DNAJB6: variants seen among roughly 807,000 people sequenced by gnomAD.
DNAJB6 encodes DnaJ heat shock protein family (Hsp40) member B6, also known as dnaJ homolog subfamily B member 6.
DNAJB6 carries 16 observed loss-of-function variants against 42.7 expected under a neutral mutation model. The observed-to-expected ratio is 0.37, with a 90% confidence interval of 0.25 to 0.57. DNAJB6 has a LOEUF of 0.57. DNAJB6 is among the 20% of genes least tolerant of loss of function. The pLI is 0.74. For missense variants in DNAJB6, 347 were observed against 416.8 expected, an observed-to-expected ratio of 0.83 and a Z score of 1.46; for synonymous variants, 170 against 163.5, an observed-to-expected ratio of 1.04 and a Z score of -0.30.
chr7:157,386,245 C>T (rs1801050084), intron 8 of DNAJB6: 1 of 966,720 alleles, frequency 1.0e-6, no homozygotes, highest in African/African-American at 1.9e-5. Context: ...TAAACTGGGT[C>T]TTTGTCATTT....
chr7:157,351,604 G>A (rs937403398), intron 1 of DNAJB6, among the ~76,000 whole-genome samples: 1 of 151,384 alleles, frequency 6.6e-6, no homozygotes, highest in African/African-American at 2.4e-5. Flanking sequence ...CTGCACTCCA[G>A]CCTGGGTGAC....
intron 2 of DNAJB6, among the ~76,000 whole-genome samples, chr7:157,361,534 TATGGTTAAGCC>T (rs1344486974): frequency 2.0e-5 from 3 of 152,208 alleles, no homozygotes; most frequent in Admixed American, 6.5e-5. Flanking sequence ...CAGATTTTAG[TATGGTTAAGCC>T]AAGGTTTTGT....
At chr7:157,376,883 A>AAAAC (rs377746958) in intron 5 of DNAJB6, among the ~76,000 whole-genome samples, 5 of 152,192 alleles carry the variant, frequency 3.3e-5, no homozygotes, top group Non-Finnish European at 7.3e-5. Flanking sequence ...CCGTCTTGGG[A>AAAAC]AAACAAACAA....
At chr7:157,394,084 C>G (rs899572326) in intron 8 of DNAJB6, among the ~76,000 whole-genome samples, 1 of 152,104 alleles carries the variant, frequency 6.6e-6, no homozygotes, top group African/African-American at 2.4e-5. Flanking sequence ...GTTTTTCTTC[C>G]TATTTTGGTT....
chr7:157,388,514 G>A (rs1310863801), intron 8 of DNAJB6, among the ~76,000 whole-genome samples: 1 of 152,152 alleles, frequency 6.6e-6, no homozygotes, highest in African/African-American at 2.4e-5. Context: ...AGCCCCATGT[G>A]GTCCCATCCA....
intron 5 of DNAJB6, chr7:157,369,148 G>A (rs373260894): frequency 1.3e-4 from 50 of 389,454 alleles, no homozygotes; most frequent in African/African-American, 9.8e-4. Context: ...GGAGACTGGC[G>A]TGCTCATCGT....
chr7:157,413,494 T>G (rs1278231929), intron 9 of DNAJB6: 2 of 152,098 alleles, frequency 1.3e-5, no homozygotes, highest in Admixed American at 1.3e-4. Flanking sequence ...TACTTAAGGG[T>G]TTTCAAGTCC....
At position 157,338,730 on chromosome 7, in the gene DNAJB6, T is replaced by C. The variant is rs183829002; in HGVS notation, c.-27+1586T>C. ...CCTTCCGTGATAAAGGGATGAATAG[T>C]TTTTATGCACGCTTCAGCGAGCTGC... is the stretch of plus-strand genomic sequence containing the variant. On this transcript the variant is annotated intron_variant, in intron 1 of 9. Transcript: ENST00000262177. Among the ~76,000 whole-genome samples, 1,124 of 152,336 alleles carry C rather than the reference T, an allele frequency of 7.4e-3. 8 individuals carry two copies. Among genetic ancestry groups the C allele is most frequent in the Non-Finnish European group, 0.011 (729 of 68,032 alleles).
At chr7:157,359,141 C>A (rs1309528601) in intron 2 of DNAJB6, among the ~76,000 whole-genome samples, 3 of 152,150 alleles carry the variant, frequency 2.0e-5, no homozygotes, top group Non-Finnish European at 4.4e-5. Context: ...AGAAGGCTCT[C>A]ACGGTAACCT....
rs886405967 is a variant in DNAJB6 at position 157,409,849 on chromosome 7, C to A, written c.746C>A (p.Ala249Asp). ...GAGCGCATGCGGAGAGGCCAGAACGCCCTGCCAGCCCAGCCTGCCGGCCTC... is the reference window on the plus strand; with the variant it reads ...GAGCGCATGCGGAGAGGCCAGAACGACCTGCCAGCCCAGCCTGCCGGCCTC... ...AEERMRRGQNALPAQPAGLRP... is the reference protein window; with the variant it reads ...AEERMRRGQNDLPAQPAGLRP... The change falls in exon 9 of 10, where the codon GCC becomes GAC. Residue 249 changes from alanine to aspartate, a missense_variant. By Grantham distance (126) the Ala-to-Asp change is moderately radical (BLOSUM62 -2). This residue lies in a region of DNAJB6 where 264 missense variants were observed against 288.0 expected (regional missense o/e 0.92). Transcript: ENST00000262177. 6.5e-7 allele frequency: 1 copy of A among 1,533,620 alleles called. No homozygotes were observed. Among genetic ancestry groups the A allele is most frequent in the Non-Finnish European group, 8.7e-7 (1 of 1,145,716 alleles).
chr7:157,367,595 T>TC, intron 5 of DNAJB6, 112 bp downstream of exon 5: 1 of 729,002 alleles, frequency 1.4e-6, no homozygotes, highest in Non-Finnish European at 2.5e-6. Context: ...GCGCGGTGGC[T>TC]CATGCCTGTA....
At chr7:157,352,423 A>G (rs916306748) in intron 1 of DNAJB6, among the ~76,000 whole-genome samples, 1 of 151,670 alleles carries the variant, frequency 6.6e-6, no homozygotes, top group African/African-American at 2.4e-5. Context: ...TTAATCATGC[A>G]GTGTGTATTT....
chr7:157,392,612 A>G (rs1053189115), intron 8 of DNAJB6, among the ~76,000 whole-genome samples: 2 of 152,146 alleles, frequency 1.3e-5, no homozygotes, highest in African/African-American at 4.8e-5. Context: ...TGCACCCTGT[A>G]TGGATGGCAG....
chr7:157,350,861 GACA>G (rs890984107), intron 1 of DNAJB6, among the ~76,000 whole-genome samples: 4 of 151,424 alleles, frequency 2.6e-5, no homozygotes, highest in Admixed American at 6.6e-5. Context: ...CCTGGCCAGA[GACA>G]ACAACTTTTT....
chr7:157,410,884 A>T (rs1795948671), intron 9 of DNAJB6: 1 of 152,238 alleles, frequency 6.6e-6, no homozygotes, highest in Admixed American at 6.5e-5. Flanking sequence ...TTTTCCCTTC[A>T]TGGAACTTTC....
At chr7:157,342,859 C>T (rs974351776) in intron 1 of DNAJB6, among the ~76,000 whole-genome samples, 2 of 151,642 alleles carry the variant, frequency 1.3e-5, no homozygotes, top group African/African-American at 4.9e-5. Flanking sequence ...GAAATAACTT[C>T]TGTGTTTGTT....
At chr7:157,348,525 A>G (rs1798803599) in intron 1 of DNAJB6, among the ~76,000 whole-genome samples, 1 of 152,184 alleles carries the variant, frequency 6.6e-6, no homozygotes, top group African/African-American at 2.4e-5. Context: ...ACAGTTTCCT[A>G]AATAGCTCTC....
chr7:157,368,407 C>A (rs1464320204), intron 5 of DNAJB6, among the ~76,000 whole-genome samples: 1 of 152,172 alleles, frequency 6.6e-6, no homozygotes, highest in African/African-American at 2.4e-5. Flanking sequence ...GACCTTTCAT[C>A]CGTAAACATT....
chr7:157,386,458 G>A (rs1224917843), intron 8 of DNAJB6: 1 of 278,290 alleles, frequency 3.6e-6, no homozygotes, highest in Non-Finnish European at 5.5e-6. Flanking sequence ...TGAAGTATAT[G>A]AAGATTTTCA....
Sources: allele counts gnomAD v4.1 joint callset (sites outside exome capture counted in the v4.1 genomes callset), GRCh38; gene constraint gnomAD v4.1.1; regional missense constraint gnomAD v4.1.1; transcripts MANE v1.5; gene names NCBI Gene and HGNC (gene_info 2026-07-23, HGNC 2026-07-21).